The following COL6A5 variants were observed in gnomAD, a reference collection of about 807,000 sequenced individuals.
COL6A5 encodes collagen alpha-5(VI) chain.
COL6A5 carries 48 observed loss-of-function variants against 65.6 expected under a neutral mutation model. The ratio of observed to expected loss-of-function variants is 0.73; its 90% confidence interval spans 0.58 to 0.93. The LOEUF (loss-of-function observed/expected upper bound fraction) is 0.93, where lower values mean the gene tolerates loss of function less well. COL6A5 is among the 40% of genes least tolerant of loss of function. The pLI is 0.00. For missense variants in COL6A5, 914 were observed against 928.3 expected (o/e 0.98, Z 0.20); for synonymous variants, 291 against 322.8 (o/e 0.90, Z 1.05).
In COL6A5 at chr3:130,480,614, T is replaced by C. The variant is rs1710214594; in HGVS notation, c.2329-3421T>C. 2.0e-5 allele frequency among the ~76,000 whole-genome samples: 3 copies of C among 152,156 alleles called. No homozygotes were observed. The South Asian group carries it at 6.2e-4, about 32-fold the overall frequency. ...AATGTTAAGGTTTTATTTTTAAATG[T>C]CAGTTTTTATAATATGTCACAACTT... On this transcript the variant is annotated intron_variant, in intron 7 of 7. Coordinates refer to ENST00000512836, the Ensembl canonical transcript of COL6A5.
intron 7 of COL6A5, among the ~76,000 whole-genome samples, chr3:130,474,136 A>G (rs1295694426): frequency 6.6e-6 from 1 of 152,102 alleles, no homozygotes; most frequent in Non-Finnish European, 1.5e-5. Flanking sequence ...CTTAGGGAGA[A>G]GAGAGCTGAA....
At chr3:130,430,250 C>T (rs1937745785), upstream of COL6A5, among the ~76,000 whole-genome samples, 1 of 152,168 alleles carries the variant, frequency 6.6e-6, no homozygotes, top group African/African-American at 2.4e-5. Context: ...CTCAATACAA[C>T]TTCATGGATT....
upstream of COL6A5, chr3:130,426,493 A>G (rs1937605484): frequency 2.3e-6 from 3 of 1,279,756 alleles, no homozygotes; most frequent in Non-Finnish European, 2.2e-6. Flanking sequence ...GATCAGTAGG[A>G]TGAGTTCACT....
At chr3:130,421,492 C>T in intron 27 of COL6A5, 132 bp downstream of exon 27, 1 of 816,970 alleles carries the variant, frequency 1.2e-6, no homozygotes, top group Non-Finnish European at 2.0e-6. Context: ...CTTGGGCTTC[C>T]TGAGGAAAGA....
chr3:130,405,112 G>A (rs1173777716), intron 13 of COL6A5, among the ~76,000 whole-genome samples: 1 of 152,198 alleles, frequency 6.6e-6, no homozygotes, highest in African/African-American at 2.4e-5. Flanking sequence ...CTCCTGTGAG[G>A]ACTGGCTTTT....
chr3:130,406,345 T>C, intron 17 of COL6A5, 24 bp downstream of exon 17: 1 of 1,524,138 alleles, frequency 6.6e-7, no homozygotes, highest in Non-Finnish European at 8.9e-7. Context: ...TTTCAATACT[T>C]CAAAGAAGGA....
intron 4 of COL6A5, among the ~76,000 whole-genome samples, chr3:130,455,143 C>A (rs1370469244): frequency 2.7e-5 from 4 of 145,710 alleles, no homozygotes; most frequent in East Asian, 2.1e-4. Flanking sequence ...AGAGCAAGAC[C>A]CTGTCTCAAA....
chr3:130,403,483 G>C (rs1021644859), intron 12 of COL6A5, 126 bp from the exon 13 acceptor site: 1 of 724,238 alleles, frequency 1.4e-6, no homozygotes, highest in African/African-American at 1.8e-5. Context: ...CCAAACTCAC[G>C]GCCACATCTG....
exon 6 of COL6A5, chr3:130,469,142 C>G (rs1709888274): frequency 6.2e-7 from 1 of 1,612,920 alleles, no homozygotes; most frequent in Non-Finnish European, 8.5e-7. Flanking sequence ...CTCTCAACAG[C>G]TCAATGGAGA....
At chr3:130,354,203 A>G (rs1317336667) in intron 1 of COL6A5, among the ~76,000 whole-genome samples, 1 of 152,180 alleles carries the variant, frequency 6.6e-6, no homozygotes, top group Non-Finnish European at 1.5e-5. Context: ...GAAAGAAAAA[A>G]TAAATTACAC....
chr3:130,382,028 T>C (rs1936012455), intron 4 of COL6A5, among the ~76,000 whole-genome samples: 1 of 151,756 alleles, frequency 6.6e-6, no homozygotes, highest in South Asian at 2.1e-4. Flanking sequence ...TGGCAAAAAT[T>C]CACATGAAAT....
At chr3:130,483,003 G>T (rs1228926647) in intron 7 of COL6A5, among the ~76,000 whole-genome samples, 1 of 152,146 alleles carries the variant, frequency 6.6e-6, no homozygotes, top group East Asian at 1.9e-4. Context: ...ACAAAGGGAA[G>T]CCCATCAGAC....
intron 1 of COL6A5, among the ~76,000 whole-genome samples, chr3:130,370,770 A>G (rs939588576): frequency 6.6e-6 from 1 of 152,250 alleles, no homozygotes; most frequent in Non-Finnish European, 1.5e-5. Flanking sequence ...CAGTATCCAA[A>G]GAAACTTAAA....
At chr3:130,358,977 A>C (rs1935017344) in intron 1 of COL6A5, among the ~76,000 whole-genome samples, 1 of 152,208 alleles carries the variant, frequency 6.6e-6, no homozygotes, top group African/African-American at 2.4e-5. Context: ...AGTACTATGC[A>C]GCTGTTAAGA....
chr3:130,368,455 G>A lies in COL6A5; in HGVS notation c.-28-5156G>A, dbSNP rs182619846. On this transcript the variant is annotated intron_variant and NMD_transcript_variant, in intron 1 of 41. Coordinates refer to the COL6A5 transcript ENST00000312481. ...AGGCACTGACCTAAGCAAGTGGGACGTTCAGTGACAAGGAACGAAGAGTCC... is the reference window on the plus strand; with the variant it reads ...AGGCACTGACCTAAGCAAGTGGGACATTCAGTGACAAGGAACGAAGAGTCC... 3.9e-5 allele frequency among the ~76,000 whole-genome samples: 6 copies of A among 152,260 alleles called. No individual in the cohort carries two copies. The South Asian group carries it at 1.2e-3, about 32-fold the overall frequency.
chr3:130,467,512 A>G (rs142137020), intron 5 of COL6A5, among the ~76,000 whole-genome samples: 24 of 152,228 alleles, frequency 1.6e-4, no homozygotes, highest in African/African-American at 5.5e-4. Flanking sequence ...CTACTGACCA[A>G]CTACAGAACA....
In COL6A5 at chr3:130,401,868, G is replaced by A. The variant is rs751950913; in HGVS notation, c.4227+14G>A. On this transcript the variant is annotated intron_variant and NMD_transcript_variant, in intron 12 of 41. Transcript: ENST00000312481. ...CAAGCCATGAAGGTGCCACTCACCTGTGATACTATTTTATCTAATGTGCCT... is the reference window on the plus strand; with the variant it reads ...CAAGCCATGAAGGTGCCACTCACCTATGATACTATTTTATCTAATGTGCCT... 3.3e-6 allele frequency: 5 copies of A among 1,536,470 alleles called. No homozygotes were observed. Among genetic ancestry groups the A allele is most frequent in the Non-Finnish European group, 4.4e-6 (5 of 1,133,234 alleles).
intron 7 of COL6A5, among the ~76,000 whole-genome samples, chr3:130,481,130 G>C (rs1265004851): frequency 1.3e-5 from 2 of 151,724 alleles, no homozygotes; most frequent in Non-Finnish European, 2.9e-5. Flanking sequence ...ACGTGCCATG[G>C]TGGTTTGCCA....
intron 20 of COL6A5, among the ~76,000 whole-genome samples, chr3:130,413,228 C>T (rs11713398): frequency 0.61 from 90,873 of 150,170 alleles, 30,235 homozygotes; most frequent in Non-Finnish European, 0.76. Flanking sequence ...TGGGATTTGC[C>T]GGAGAGGGAA....
Sources: allele counts gnomAD v4.1 joint callset (sites outside exome capture counted in the v4.1 genomes callset), GRCh38; gene constraint gnomAD v4.1.1; transcripts MANE v1.5; gene names NCBI Gene and HGNC (gene_info 2026-07-23, HGNC 2026-07-21).